The following PLAC1 variants were observed in gnomAD, a reference collection of about 807,000 sequenced individuals.
The protein encoded by PLAC1 is placenta associated 1, also known as placenta-specific protein 1.
For missense variants in PLAC1, 136 were observed against 163.2 expected (o/e 0.83, Z 0.91); for synonymous variants, 68 against 62.1 (o/e 1.09, Z -0.44).
At chrX:134,693,557 T>C (rs2078551433) in intron 2 of PLAC1, among the ~76,000 whole-genome samples, 1 of 111,789 alleles carries the variant, frequency 8.9e-6, no homozygotes, top group African/African-American at 3.3e-5. Context: ...GCCAACGTCA[T>C]ACAGTCAGTA....
At chrX:134,608,049 T>C (rs2078131662) in intron 1 of PLAC1, among the ~76,000 whole-genome samples, 1 of 112,034 alleles carries the variant, frequency 8.9e-6, no homozygotes, top group African/African-American at 3.2e-5. Flanking sequence ...AAAATACAAA[T>C]ATATATCTCC....
chrX:134,731,925 G>A (rs1270879137), intron 2 of PLAC1, among the ~76,000 whole-genome samples: 3 of 111,781 alleles, frequency 2.7e-5, no homozygotes, highest in African/African-American at 6.5e-5. Flanking sequence ...GAGGGCTGAG[G>A]TGGGAGGATC....
At chrX:134,672,085 T>C (rs1338000206) in intron 2 of PLAC1, among the ~76,000 whole-genome samples, 1 of 111,834 alleles carries the variant, frequency 8.9e-6, no homozygotes, top group Non-Finnish European at 1.9e-5. Context: ...TGTCATATAG[T>C]ATAAGCTCAA....
At chrX:134,691,219 T>C (rs1368634473) in intron 2 of PLAC1, among the ~76,000 whole-genome samples, 3 of 106,223 alleles carry the variant, frequency 2.8e-5, no homozygotes, top group Non-Finnish European at 3.9e-5. Context: ...GCTATGGCTG[T>C]TACTATAAAA....
chrX:134,725,241 C>A (rs773918670), intron 2 of PLAC1, among the ~76,000 whole-genome samples: 3 of 111,419 alleles, frequency 2.7e-5, no homozygotes, highest in Non-Finnish European at 3.8e-5. Context: ...GGATGACCAA[C>A]CATTTTTATA....
intron 2 of PLAC1, among the ~76,000 whole-genome samples, chrX:134,583,660 T>C (rs938421687): frequency 1.8e-5 from 2 of 110,496 alleles, no homozygotes; most frequent in African/African-American, 6.6e-5. Context: ...AGAGCAAGTG[T>C]CCAATCAATG....
At chrX:134,627,215 C>A (rs1013676252) in intron 1 of PLAC1, among the ~76,000 whole-genome samples, 2 of 111,716 alleles carry the variant, frequency 1.8e-5, no homozygotes, top group Non-Finnish European at 3.8e-5. Flanking sequence ...TTAGCTTCGA[C>A]AACATTGATG....
intron 2 of PLAC1, among the ~76,000 whole-genome samples, chrX:134,704,533 AAC>A (rs947771474): frequency 1.9e-5 from 2 of 105,936 alleles, no homozygotes; most frequent in Non-Finnish European, 3.9e-5. Flanking sequence ...AAAAAAATAA[AAC>A]ATAGTAATAG....
At chrX:134,730,547 C>T (rs1156422522) in intron 2 of PLAC1, among the ~76,000 whole-genome samples, 6 of 110,343 alleles carry the variant, frequency 5.4e-5, no homozygotes, top group African/African-American at 1.3e-4. Flanking sequence ...TGGGCTCAAG[C>T]GATCCTCCCG....
intron 1 of PLAC1, among the ~76,000 whole-genome samples, chrX:134,740,656 T>TTA (rs1479806378): frequency 8.9e-6 from 1 of 111,753 alleles, no homozygotes; most frequent in Non-Finnish European, 1.9e-5. Context: ...ATAACTAAGT[T>TTA]AAGGCTCTCA....
intron 2 of PLAC1, among the ~76,000 whole-genome samples, chrX:134,591,000 T>C (rs1362678502): frequency 9.0e-6 from 1 of 111,000 alleles, no homozygotes. Flanking sequence ...GTCGAGAGAA[T>C]GGCCAAGACC....
intron 2 of PLAC1, among the ~76,000 whole-genome samples, chrX:134,665,533 G>T (rs2078433694): frequency 9.0e-6 from 1 of 111,721 alleles, no homozygotes; most frequent in East Asian, 2.8e-4. Flanking sequence ...GGAAATGATA[G>T]ATTCCCTAGT....
intron 1 of PLAC1, among the ~76,000 whole-genome samples, chrX:134,644,019 TAAC>T (rs1365795167): frequency 9.0e-6 from 1 of 110,739 alleles, no homozygotes; most frequent in Non-Finnish European, 1.9e-5. Context: ...GTGTTCATAA[TAAC>T]GTTTCACACA....
intron 2 of PLAC1, among the ~76,000 whole-genome samples, chrX:134,719,067 T>G (rs1465050977): frequency 1.8e-5 from 2 of 111,688 alleles, no homozygotes; most frequent in Non-Finnish European, 3.8e-5. Flanking sequence ...AGGAAGCAGA[T>G]TAGTGGTTGC....
intron 2 of PLAC1, among the ~76,000 whole-genome samples, chrX:134,721,725 T>C (rs748296907): frequency 9.2e-6 from 1 of 108,215 alleles, no homozygotes; most frequent in Non-Finnish European, 1.9e-5. Context: ...TAGCCAGGCA[T>C]GGTGGCATGC....
chrX:134,572,440 C>T (rs1442320860), intron 2 of PLAC1, among the ~76,000 whole-genome samples: 4 of 111,837 alleles, frequency 3.6e-5, no homozygotes, highest in Admixed American at 1.9e-4. Context: ...ATTTTAAAGA[C>T]GCTGAGACCG....
intron 1 of PLAC1, among the ~76,000 whole-genome samples, chrX:134,746,420 G>A (rs907675884): frequency 2.7e-5 from 3 of 111,674 alleles, no homozygotes; most frequent in South Asian, 3.8e-4. Flanking sequence ...TGCCTTTCTG[G>A]AGTTAACATC....
At chrX:134,622,670 G>C (rs2078216815) in intron 1 of PLAC1, among the ~76,000 whole-genome samples, 1 of 112,019 alleles carries the variant, frequency 8.9e-6, no homozygotes, top group Non-Finnish European at 1.9e-5. Flanking sequence ...GATAACTAAG[G>C]TGCAGTGGCA....
chrX:134,583,434 GTTT>G (rs11364556), intron 2 of PLAC1, among the ~76,000 whole-genome samples: 1 of 77,406 alleles, frequency 1.3e-5, no homozygotes, highest in Non-Finnish European at 2.4e-5. Flanking sequence ...CATCTGAGTT[GTTT>G]TTTTTTTTTT....
Sources: allele counts gnomAD v4.1 joint callset (sites outside exome capture counted in the v4.1 genomes callset), GRCh38; gene constraint gnomAD v4.1.1; transcripts MANE v1.5; gene names NCBI Gene and HGNC (gene_info 2026-07-23, HGNC 2026-07-21).